MAST2: variants seen among roughly 807,000 people sequenced by gnomAD.
The protein encoded by MAST2 is microtubule associated serine/threonine kinase 2, also known as microtubule-associated serine/threonine-protein kinase 2.
A neutral mutation model predicts 147.4 loss-of-function variants in MAST2; 70 were observed. The observed-to-expected ratio is 0.47, with a 90% CI of 0.39 to 0.58. The LOEUF is 0.58. Among genes scored for constraint, MAST2 ranks in the 20% least tolerant of loss-of-function variants. The pLI is 0.00. For synonymous variants in MAST2, 869 were observed against 896.8 expected (o/e 0.97, Z 0.55); for missense variants, 2,080 against 2,302.3 (o/e 0.90, Z 1.98).
rs1439788508 is a variant in MAST2 at position 45,805,075 on chromosome 1, A to C, written c.177+1003A>C. On this transcript the variant is annotated intron_variant, in intron 1 of 28. Transcript: ENST00000361297. Reference sequence around the variant, plus strand: ...ACATTTTTTTTTTTTTTTGAGACGAAGTCTCGCTCTGTCGCCCAGGGGAGA... The same window carrying C: ...ACATTTTTTTTTTTTTTTGAGACGACGTCTCGCTCTGTCGCCCAGGGGAGA... Among the ~76,000 whole-genome samples the C allele has an allele frequency of 2.0e-5, 3 of 146,660 alleles. No individual in the cohort carries two copies. In the Admixed American group the frequency reaches 2.1e-4, roughly 10 times the overall value.
At chr1:45,854,226 A>G (rs1006619441) in intron 3 of MAST2, among the ~76,000 whole-genome samples, 3 of 151,668 alleles carry the variant, frequency 2.0e-5, no homozygotes, top group Non-Finnish European at 2.9e-5. Flanking sequence ...AATCTCATCT[A>G]CTCGGGAGGC....
chr1:45,900,225 G>A (rs891110000), intron 4 of MAST2, among the ~76,000 whole-genome samples: 7 of 148,916 alleles, frequency 4.7e-5, no homozygotes, highest in Non-Finnish European at 1.0e-4. Flanking sequence ...AGCCAGTAGT[G>A]GGATTGCTAG....
Position 45,822,453 on chromosome 1 carries a change from A to G in MAST2, c.178-1980A>G, listed in dbSNP as rs186019601. Reference sequence around the variant, plus strand: ...CTCTCCTCTGTTATCTGGTTTCTTTACTTTGGTGTCTTGTGGGAAGGAATA... The same window carrying G: ...CTCTCCTCTGTTATCTGGTTTCTTTGCTTTGGTGTCTTGTGGGAAGGAATA... On this transcript the variant is annotated intron_variant, in intron 1 of 28. Coordinates refer to ENST00000361297, the MANE Select transcript of MAST2 (RefSeq NM_015112.3). 2.0e-5 allele frequency among the ~76,000 whole-genome samples: 3 copies of G among 151,782 alleles called. No individual in the cohort carries two copies. In the East Asian group the frequency reaches 5.8e-4, roughly 29 times the overall value.
chr1:45,929,095 T>C (rs1466298606), intron 4 of MAST2, among the ~76,000 whole-genome samples: 2 of 152,174 alleles, frequency 1.3e-5, no homozygotes, highest in African/African-American at 4.8e-5. Flanking sequence ...CTTGTTTTGT[T>C]AGTAGTGGCC....
intron 4 of MAST2, among the ~76,000 whole-genome samples, chr1:45,903,909 A>C (rs1650219643): frequency 6.6e-6 from 1 of 152,198 alleles, no homozygotes; most frequent in Non-Finnish European, 1.5e-5. Context: ...GTAAATGTGT[A>C]TTGTTTTAGG....
intron 4 of MAST2, among the ~76,000 whole-genome samples, chr1:45,919,335 T>G (rs1653072665): frequency 6.6e-6 from 1 of 151,942 alleles, no homozygotes; most frequent in Non-Finnish European, 1.5e-5. Context: ...TAGACTAAAA[T>G]GAATTAGCTA....
intron 1 of MAST2, among the ~76,000 whole-genome samples, chr1:45,809,380 A>C (rs961073055): frequency 6.6e-6 from 1 of 152,224 alleles, no homozygotes; most frequent in Non-Finnish European, 1.5e-5. Context: ...GTGGTGGCTC[A>C]TACTTGTAAT....
At chr1:45,863,206 T>C (rs1219906339) in intron 3 of MAST2, among the ~76,000 whole-genome samples, 2 of 152,186 alleles carry the variant, frequency 1.3e-5, no homozygotes, top group Non-Finnish European at 2.9e-5. Flanking sequence ...GTTGAATAAA[T>C]TAGAAGCCAC....
At chr1:45,914,826 T>G (rs1262594592) in intron 4 of MAST2, among the ~76,000 whole-genome samples, 3 of 152,256 alleles carry the variant, frequency 2.0e-5, no homozygotes, top group African/African-American at 7.2e-5. Flanking sequence ...AAAAGACCAT[T>G]TAAAAACAGA....
At chr1:46,012,081 A>G (rs1281817396) in intron 10 of MAST2, among the ~76,000 whole-genome samples, 3 of 152,262 alleles carry the variant, frequency 2.0e-5, no homozygotes, top group African/African-American at 7.2e-5. Flanking sequence ...TTGTAGAAGT[A>G]TAACTTTAGA....
At position 46,002,789 on chromosome 1, in the gene MAST2, T is replaced by A; in HGVS notation, c.669-16T>A. ...TAGTCCTGCAGAAACTGCCTAATAC[T>A]TTTTCTTGCATACAGGACTGATGGG... On this transcript the variant is annotated splice_polypyrimidine_tract_variant and intron_variant, in intron 6 of 28. Transcript: ENST00000361297. 1 of 1,613,498 alleles carries A rather than the reference T, an allele frequency of 6.2e-7. No homozygotes were observed. Among genetic ancestry groups the A allele is most frequent in the African/African-American group, 1.3e-5 (1 of 75,016 alleles).
At chr1:46,024,175 T>TGA (rs1489572262) in intron 15 of MAST2, 195 bp downstream of exon 15, 10 of 584,542 alleles carry the variant, frequency 1.7e-5, no homozygotes, top group Admixed American at 2.8e-5. Flanking sequence ...GCCTCTACCA[T>TGA]GAGAGGCATT....
chr1:45,847,620 C>G (rs1052797118), intron 3 of MAST2: 10 of 665,630 alleles, frequency 1.5e-5, no homozygotes, highest in Admixed American at 1.1e-4. Flanking sequence ...GTGACGTCCT[C>G]GCGGCCACAG....
rs944897533 is a variant in MAST2, at chr1:45,844,004, T to C, written c.468+14423T>C. 3.3e-5 allele frequency among the ~76,000 whole-genome samples: 5 copies of C among 152,346 alleles called. No individual in the cohort carries two copies. In the South Asian group the frequency reaches 8.3e-4, roughly 25 times the overall value. On this transcript the variant is annotated intron_variant, in intron 3 of 28. Coordinates refer to ENST00000361297, the MANE Select transcript of MAST2 (RefSeq NM_015112.3). ...AGCATTTTTATCATCTCTTTTGTGT[T>C]AATTTGTAAAGAATTTAAGATACCT...
At chr1:46,015,628 G>A (rs1645903079) in intron 10 of MAST2, among the ~76,000 whole-genome samples, 1 of 152,140 alleles carries the variant, frequency 6.6e-6, no homozygotes, top group South Asian at 2.1e-4. Flanking sequence ...AAACCAGGAA[G>A]AAGTTGAATC....
Position 45,845,424 on chromosome 1 carries a change from G to T in MAST2, c.468+15843G>T, listed in dbSNP as rs116725454. On this transcript the variant is annotated intron_variant, in intron 3 of 28. Coordinates refer to ENST00000361297, the MANE Select transcript of MAST2 (RefSeq NM_015112.3). The stretch of plus-strand genomic sequence containing the variant: ...TACTTTAAACTGTTAACAAGACTTA[G>T]TTGATATCCAGTTAACCTAATACAG... 8.3e-3 allele frequency among the ~76,000 whole-genome samples: 1,259 copies of T among 152,166 alleles called. 20 individuals carry two copies. Among genetic ancestry groups the T allele is most frequent in the African/African-American group, 0.029 (1,190 of 41,518 alleles).
At chr1:45,967,091 TGAGA>T (rs1344448025) in intron 5 of MAST2, among the ~76,000 whole-genome samples, 3 of 151,846 alleles carry the variant, frequency 2.0e-5, no homozygotes, top group Non-Finnish European at 2.9e-5. Context: ...CTTTTTTTTT[TGAGA>T]GAGAGTCTCA....
chr1:45,894,542 G>A (rs900059278), intron 4 of MAST2, among the ~76,000 whole-genome samples: 16 of 152,132 alleles, frequency 1.1e-4, no homozygotes, highest in African/African-American at 2.7e-4. Context: ...CTAACTAGGC[G>A]TATTACATAG....
chr1:45,836,956 G>T (rs574967808), intron 3 of MAST2, among the ~76,000 whole-genome samples: 1 of 152,262 alleles, frequency 6.6e-6, no homozygotes, highest in African/African-American at 2.4e-5. Context: ...TCAGGCATTA[G>T]CTAGATTCTC....
Sources: gnomAD v4.1 joint callset for allele counts (sites outside exome capture counted in the v4.1 genomes callset) on GRCh38, gnomAD v4.1.1 for gene constraint, MANE v1.5 for transcripts, NCBI Gene and HGNC (gene_info 2026-07-23, HGNC 2026-07-21) for gene names.